LINS1: variants seen among roughly 807,000 people sequenced by gnomAD.
LINS1 encodes the protein lines homolog 1, also known as protein Lines homolog 1.
LINS1 carries 27 observed loss-of-function variants against 41.6 expected under a neutral mutation model. The observed-to-expected ratio is 0.65, with a 90% CI of 0.48 to 0.89. The LOEUF (loss-of-function observed/expected upper bound fraction) is 0.89, where lower values mean the gene tolerates loss of function less well. Ranked by LOEUF, LINS1 falls within the 40% of genes least tolerant of loss-of-function variation. The pLI is 0.00. For missense variants in LINS1, 955 were observed against 884.1 expected (o/e 1.08, Z -1.02); for synonymous variants, 336 against 312.9 (o/e 1.07, Z -0.78).
intron 1 of LINS1, among the ~76,000 whole-genome samples, chr15:100,590,361 G>A (rs1233188465): frequency 6.6e-6 from 1 of 152,186 alleles, no homozygotes; most frequent in African/African-American, 2.4e-5. Context: ...GTCCAATGCA[G>A]GTGAGAAATT....
intron 1 of LINS1, among the ~76,000 whole-genome samples, chr15:100,587,414 A>T (rs1367646931): frequency 6.6e-6 from 1 of 152,114 alleles, no homozygotes; most frequent in African/African-American, 2.4e-5. Flanking sequence ...TAATAGTAAT[A>T]AAATATTCAT....
At chr15:100,577,782 G>A (rs1024648444) in intron 3 of LINS1, among the ~76,000 whole-genome samples, 5 of 152,088 alleles carry the variant, frequency 3.3e-5, no homozygotes, top group Non-Finnish European at 7.4e-5. Flanking sequence ...TATACTACAA[G>A]GCTACAGTAA....
At chr15:100,578,581 T>C (rs1488522389) in intron 3 of LINS1, among the ~76,000 whole-genome samples, 1 of 152,230 alleles carries the variant, frequency 6.6e-6, no homozygotes, top group East Asian at 1.9e-4. Flanking sequence ...TTGGTGGGAC[T>C]GTAAACTAGT....
Position 100,569,721 on chromosome 15 carries a change from G to C in LINS1, c.1791C>G (p.Pro597=). 1.9e-6 allele frequency: 3 copies of C among 1,613,764 alleles called. No homozygotes were observed. In the East Asian group the frequency reaches 6.7e-5, roughly 36 times the overall value. ...CARHSWASDA[P]SEPLKAVMSK... is the part of the protein sequence containing the mutation. ...ACATCACAGCTTTCAGTGGTTCAGA[G>C]GGAGCATCGGAAGCCCAGGAGTGCC... Residue 597 remains proline (P), a synonymous_variant, in exon 7 of 7, where the codon CCC becomes CCG. Transcript: ENST00000314742.
intron 1 of LINS1, among the ~76,000 whole-genome samples, chr15:100,592,890 T>C (rs1313674124): frequency 6.6e-6 from 1 of 152,238 alleles, no homozygotes; most frequent in Non-Finnish European, 1.5e-5. Context: ...AATTACACTG[T>C]CTTTAAAATA....
chr15:100,570,641 C>T (rs995667756), intron 6 of LINS1: 2 of 152,600 alleles, frequency 1.3e-5, no homozygotes, highest in African/African-American at 2.4e-5. Context: ...GGTGGCCATG[C>T]CTTGAGAATG....
Position 100,573,717 on chromosome 15 carries a change from TTGC to T in LINS1, c.1153_1155del (p.Ala385del). The T allele has an allele frequency of 6.2e-7, 1 of 1,613,166 alleles. No homozygotes were observed. Among genetic ancestry groups the T allele is most frequent in the Non-Finnish European group, 8.5e-7 (1 of 1,179,252 alleles). The stretch of plus-strand genomic sequence containing the variant: ...TCTAAGGATTTCATTATAACTAAGC[TTGC>T]TGCTCTAAGGATCACATGATCTGGA... On this transcript the variant is annotated inframe_deletion, in exon 5 of 7. Coordinates refer to ENST00000314742, the MANE Select transcript of LINS1 (RefSeq NM_001040616.3).
At chr15:100,585,214 A>G (rs56782399) in intron 1 of LINS1, among the ~76,000 whole-genome samples, 17,683 of 152,256 alleles carry the variant, frequency 0.12, 1,218 homozygotes, top group East Asian at 0.27. Context: ...TTGGACTCCA[A>G]AGGGGAACAC....
rs2038077103 is a variant in LINS1, at chr15:100,575,012, A to T, written c.606T>A (p.Phe202Leu). ...WTLTAIIKEI[F>L]KDSCSQKTEI... ...CTGTTTTCTGTGAACATGAATCTTT[A>T]AAGATTTCTTTTATTATTGCTGTAA... Residue 202 changes from phenylalanine to leucine, a missense_variant, in exon 4 of 7, where the codon TTT becomes TTA. Transcript: ENST00000314742. The T allele has an allele frequency of 6.2e-7, 1 of 1,612,886 alleles. No individual in the cohort carries two copies. The highest frequency in any genetic ancestry group is 1.3e-5 in the African/African-American group (1 of 74,914).
At chr15:100,582,149 T>C (rs1401662180) in intron 1 of LINS1, among the ~76,000 whole-genome samples, 1 of 151,840 alleles carries the variant, frequency 6.6e-6, no homozygotes, top group Admixed American at 6.6e-5. Context: ...GTCTTCTGTC[T>C]ACACTACGGC....
chr15:100,590,333 G>C (rs1179091111), intron 1 of LINS1, among the ~76,000 whole-genome samples: 1 of 152,190 alleles, frequency 6.6e-6, no homozygotes, highest in Non-Finnish European at 1.5e-5. Flanking sequence ...CTTATACTTT[G>C]ACAGATAAAA....
chr15:100,594,400 A>G (rs758747733), intron 1 of LINS1, among the ~76,000 whole-genome samples: 3 of 152,096 alleles, frequency 2.0e-5, no homozygotes, highest in Non-Finnish European at 4.4e-5. Flanking sequence ...ATCTTGTGGG[A>G]TCAAATGTTG....
intron 2 of LINS1, 26 bp downstream of exon 2, chr15:100,580,418 C>A: frequency 3.1e-6 from 5 of 1,609,224 alleles, no homozygotes; most frequent in Non-Finnish European, 3.4e-6. Context: ...TAAATATCTA[C>A]ATCTTTAGAA....
intron 2 of LINS1, 42 bp downstream of exon 2, chr15:100,580,402 T>C: frequency 6.2e-7 from 1 of 1,607,412 alleles, no homozygotes; most frequent in Non-Finnish European, 8.5e-7. Flanking sequence ...GTTCTTAAAA[T>C]TATTTTAAAT....
intron 1 of LINS1, 140 bp downstream of exon 1, chr15:100,601,981 G>C (rs1009051632): frequency 6.6e-6 from 1 of 152,216 alleles, no homozygotes; most frequent in Non-Finnish European, 1.5e-5. Flanking sequence ...GCGCTGAACA[G>C]GGGCGGAGAA....
intron 6 of LINS1, among the ~76,000 whole-genome samples, chr15:100,571,638 C>A (rs1022616085): frequency 2.6e-5 from 4 of 152,220 alleles, no homozygotes; most frequent in African/African-American, 9.6e-5. Flanking sequence ...TACTGACTTA[C>A]TGGAGACCAA....
chr15:100,600,236 T>C (rs1369004307), intron 1 of LINS1, among the ~76,000 whole-genome samples: 2 of 152,118 alleles, frequency 1.3e-5, no homozygotes, highest in African/African-American at 4.8e-5. Context: ...AAAAGACAGA[T>C]TGGTCATTTC....
At chr15:100,581,046 G>A in intron 1 of LINS1, 101 bp from the exon 2 acceptor site, 1 of 500,594 alleles carries the variant, frequency 2.0e-6, no homozygotes, top group East Asian at 3.1e-5. Context: ...AAGTTAAAGG[G>A]GATGCTGACT....
At chr15:100,595,292 C>T (rs2039196682) in intron 1 of LINS1, among the ~76,000 whole-genome samples, 1 of 151,684 alleles carries the variant, frequency 6.6e-6, no homozygotes, top group Non-Finnish European at 1.5e-5. Flanking sequence ...CTGCAAAGCA[C>T]ATGACTAGTA....
Sources: gnomAD v4.1 joint callset for allele counts (sites outside exome capture counted in the v4.1 genomes callset) on GRCh38, gnomAD v4.1.1 for gene constraint, MANE v1.5 for transcripts, NCBI Gene and HGNC (gene_info 2026-07-23, HGNC 2026-07-21) for gene names.